Variants in DDX17 observed in about 807,000 individuals in gnomAD.
The protein encoded by DDX17 is probable ATP-dependent RNA helicase DDX17.
In DDX17, 10 loss-of-function variants were observed where a neutral mutation model predicts 80.8. The observed-to-expected ratio is 0.12, with a 90% CI of 0.08 to 0.21. The LOEUF (loss-of-function observed/expected upper bound fraction) is 0.21, where lower values mean the gene tolerates loss of function less well. Among genes scored for constraint, DDX17 ranks in the 10% least tolerant of loss-of-function variants. The pLI is 1.00. For synonymous variants in DDX17, 339 were observed against 336.2 expected (o/e 1.01, Z -0.09); for missense variants, 586 against 957.4 (o/e 0.61, Z 5.12).
At chr22:38,501,714 A>G (rs2089832730) in intron 1 of DDX17, among the ~76,000 whole-genome samples, 1 of 152,254 alleles carries the variant, frequency 6.6e-6, no homozygotes, top group Admixed American at 6.5e-5. Flanking sequence ...TGTGTAATGT[A>G]CTATAAAAGT....
intron 7 of DDX17, 24 bp from the exon 8 acceptor site, chr22:38,494,826 T>C (rs1417444525): frequency 6.2e-7 from 1 of 1,614,082 alleles, no homozygotes; most frequent in East Asian, 2.2e-5. Context: ...AAAGGCTTTC[T>C]TTCAGGCTAA....
Position 38,486,299 on chromosome 22 carries a change from T to C in DDX17, c.1826A>G (p.Asp609Gly). 6.2e-7 allele frequency: 1 copy of C among 1,614,232 alleles called. No individual in the cohort carries two copies. The highest frequency in any genetic ancestry group is 8.5e-7 in the Non-Finnish European group (1 of 1,180,046). ...ACTGCCATTAGCATAACCAGCTCTA[T>C]CGGTTTCACTACGATCCCGATAGCT... Residue 609 changes from aspartate to glycine, a missense_variant, in exon 13 of 13, where the codon GAT (aspartate) becomes GGT (glycine). Physicochemically the swap from Asp to Gly is moderately conservative, Grantham distance 94. Around this residue, in one of 4 missense-constraint regions of DDX17, gnomAD observed 221 missense variants for 261.4 expected, o/e 0.85. Transcript: ENST00000403230.
intron 5 of DDX17, among the ~76,000 whole-genome samples, chr22:38,497,331 T>A (rs1386506204): frequency 9.1e-6 from 1 of 110,364 alleles, no homozygotes; most frequent in Non-Finnish European, 1.8e-5. Flanking sequence ...AAGTACACAT[T>A]CAATGCCAGG....
intron 3 of DDX17, among the ~76,000 whole-genome samples, chr22:38,498,910 G>A (rs2089797700): frequency 6.6e-6 from 1 of 152,174 alleles, no homozygotes; most frequent in African/African-American, 2.4e-5. Context: ...AGCTACTCGG[G>A]AGGGTGAAGC....
intron 3 of DDX17, among the ~76,000 whole-genome samples, chr22:38,498,967 G>A (rs564105861): frequency 6.6e-6 from 1 of 152,124 alleles, no homozygotes; most frequent in Non-Finnish European, 1.5e-5. Flanking sequence ...AGCTGAGATC[G>A]CGCCACTGCA....
chr22:38,506,303 C>A lies in DDX17; in HGVS notation c.-66G>T, dbSNP rs890352968. The A allele has an allele frequency of 1.7e-5, 25 of 1,478,072 alleles. No homozygotes were observed. Among genetic ancestry groups the A allele is most frequent in the African/African-American group, 1.5e-4 (10 of 68,806 alleles). 91.6% of individuals were successfully genotyped at this position (1,478,072 alleles called of 1,614,324 possible). ...GTCTCCTTCCTTCCCAGCGACTGCA[C>A]AAAATGGCGGCCGCCGCTGAGTCGG... On this transcript the variant is annotated 5_prime_UTR_variant, in exon 1 of 13. Coordinates refer to ENST00000403230, the MANE Select transcript of DDX17 (RefSeq NM_006386.5).
chr22:38,498,171 G>GT, intron 4 of DDX17, 21 bp from the exon 5 acceptor site: 2 of 1,611,334 alleles, frequency 1.2e-6, no homozygotes, highest in Non-Finnish European at 1.7e-6. Context: ...GGGAAAGAAT[G>GT]ACAACCTTAC....
rs748363097 is a variant in DDX17, at chr22:38,485,959, GGGA to G, written c.2163_2165del (p.Pro726del). 4 of 1,613,584 alleles carry G rather than the reference GGGA, an allele frequency of 2.5e-6. No individual in the cohort carries two copies. The highest frequency in any genetic ancestry group is 4.5e-5 in the East Asian group (2 of 44,882). On this transcript the variant is annotated inframe_deletion, in exon 13 of 13. Transcript: ENST00000403230. ...TTCATTTACGTGAAGGAGGAGGAGG[GGGA>G]GGAGGAGGAGGGTATTGGTAGGCAG...
chr22:38,492,262 T>C, intron 10 of DDX17, 147 bp from the exon 11 acceptor site: 3 of 603,470 alleles, frequency 5.0e-6, no homozygotes, highest in Non-Finnish European at 8.5e-6. Context: ...AAATCTTTAT[T>C]ACACTCATAT....
In DDX17 at chr22:38,498,163, G is replaced by A. The variant is rs773413722; in HGVS notation, c.673-13C>T. The A allele has an allele frequency of 1.2e-5, 20 of 1,613,130 alleles. No individual in the cohort carries two copies. The East Asian group carries it at 4.2e-4, about 34-fold the overall frequency. ...CAGGCAGGAGATACTGTGGAGGGGG[G>A]AAAGAATGACAACCTTACGCTTAGA... On this transcript the variant is annotated splice_polypyrimidine_tract_variant and intron_variant, in intron 4 of 12. Transcript: ENST00000403230.
At chr22:38,492,294 C>T (rs2089721172) in intron 10 of DDX17, among the ~76,000 whole-genome samples, 179 bp from the exon 11 acceptor site, 1 of 152,174 alleles carries the variant, frequency 6.6e-6, no homozygotes, top group Admixed American at 6.5e-5. Flanking sequence ...ATAGTTACCT[C>T]TACTAATAAT....
chr22:38,496,652 AAATTTGG>A (rs1376043721), intron 5 of DDX17, among the ~76,000 whole-genome samples: 1 of 152,082 alleles, frequency 6.6e-6, no homozygotes, highest in East Asian at 1.9e-4. Context: ...GCCTGGCCTA[AAATTTGG>A]AATTTTGGAT....
rs904003336 is a variant in DDX17, at chr22:38,500,443, C to T, written c.438+687G>A. Among the ~76,000 whole-genome samples, 15 of 151,240 alleles carry T rather than the reference C, an allele frequency of 9.9e-5. No homozygotes were observed. In the Middle Eastern group the frequency reaches 0.017, roughly 173 times the overall value. On this transcript the variant is annotated intron_variant, in intron 2 of 12. Coordinates refer to ENST00000403230, the MANE Select transcript of DDX17 (RefSeq NM_006386.5). ...AGATCACAAGGTCAGGAGACGGAGACCAGTCTGATCAACATGGTGAAACCC... is the reference window on the plus strand; with the variant it reads ...AGATCACAAGGTCAGGAGACGGAGATCAGTCTGATCAACATGGTGAAACCC...
At chr22:38,505,144 G>A (rs2089868099) in intron 1 of DDX17, 1 of 152,228 alleles carries the variant, frequency 6.6e-6, no homozygotes, top group Non-Finnish European at 1.5e-5. Context: ...CCTGACCTCC[G>A]GTGATCCGCC....
At chr22:38,500,178 A>AAG (rs1306380107) in intron 2 of DDX17, among the ~76,000 whole-genome samples, 2 of 151,516 alleles carry the variant, frequency 1.3e-5, no homozygotes, top group Non-Finnish European at 2.9e-5. Flanking sequence ...TTCACCTCAA[A>AAG]AAAAAAAAAA....
chr22:38,488,410 G>A (rs1385358623), intron 11 of DDX17: 1 of 1,268,798 alleles, frequency 7.9e-7, no homozygotes, highest in Non-Finnish European at 1.0e-6. Flanking sequence ...CCAATATACT[G>A]ACAGGAGTTA....
intron 5 of DDX17, 76 bp downstream of exon 5, chr22:38,498,009 A>C: frequency 7.2e-7 from 1 of 1,395,038 alleles, no homozygotes; most frequent in Non-Finnish European, 1.0e-6. Context: ...CAAATGGATA[A>C]TGTAAAGCAC....
intron 1 of DDX17, chr22:38,505,356 C>T (rs1177546041): frequency 6.6e-6 from 1 of 152,338 alleles, no homozygotes; most frequent in East Asian, 1.9e-4. Context: ...TGGCAAGCAA[C>T]TCCACTGCTT....
rs1418775433 is a variant in DDX17 at position 38,485,453 on chromosome 22, CTCTT to C, written c.*478_*481del. 4 of 152,152 alleles carry C rather than the reference CTCTT, an allele frequency of 2.6e-5. No homozygotes were observed. The highest frequency in any genetic ancestry group is 1.9e-4 in the East Asian group (1 of 5,198). 9.4% of individuals were successfully genotyped at this position (152,152 alleles called of 1,614,324 possible). A position where few individuals can be genotyped will look rare whatever the true frequency, so the allele number is the denominator to read the frequency against. On this transcript the variant is annotated 3_prime_UTR_variant, in exon 13 of 13. Transcript: ENST00000403230. ...CAAAAGAAAATGTGCAGGGCAATCC[CTCTT>C]TGTTTTCTAACCCAGTAATGAGAAA... is the stretch of plus-strand genomic sequence containing the variant.
Sources: allele counts gnomAD v4.1 joint callset (sites outside exome capture counted in the v4.1 genomes callset), GRCh38; gene constraint gnomAD v4.1.1; regional missense constraint gnomAD v4.1.1; transcripts MANE v1.5; gene names NCBI Gene and HGNC (gene_info 2026-07-23, HGNC 2026-07-21).